The following GALNT7 variants were observed in gnomAD, a reference collection of about 807,000 sequenced individuals.
GALNT7 encodes polypeptide N-acetylgalactosaminyltransferase 7.
A neutral mutation model predicts 82.1 loss-of-function variants in GALNT7; 60 were observed. That is an observed-to-expected ratio of 0.73 (90% confidence interval 0.59 to 0.91). The LOEUF (loss-of-function observed/expected upper bound fraction) is 0.91, where lower values mean the gene tolerates loss of function less well. Among genes scored for constraint, GALNT7 ranks in the 40% least tolerant of loss-of-function variants. The pLI is 0.00. For missense variants in GALNT7, 660 were observed against 804.2 expected (o/e 0.82, Z 2.17); for synonymous variants, 243 against 275.1 (o/e 0.88, Z 1.15).
At chr4:173,250,975 A>G (rs1194014977) in intron 2 of GALNT7, among the ~76,000 whole-genome samples, 1 of 152,042 alleles carries the variant, frequency 6.6e-6, no homozygotes, top group Non-Finnish European at 1.5e-5. Flanking sequence ...TTTATTCTCT[A>G]TTACTTCTCT....
chr4:173,183,203 G>C (rs1415346669), intron 1 of GALNT7, among the ~76,000 whole-genome samples: 1 of 150,744 alleles, frequency 6.6e-6, no homozygotes, highest in Non-Finnish European at 1.5e-5. Context: ...TAAAATTAGA[G>C]ATAATGGAAC....
At chr4:173,274,390 G>A (rs932450217) in intron 2 of GALNT7, among the ~76,000 whole-genome samples, 1 of 152,090 alleles carries the variant, frequency 6.6e-6, no homozygotes, top group African/African-American at 2.4e-5. Context: ...TATTTCCTGG[G>A]TATTGGGTGA....
chr4:173,258,293 G>T (rs568014367), intron 2 of GALNT7, among the ~76,000 whole-genome samples: 1 of 152,316 alleles, frequency 6.6e-6, no homozygotes, highest in South Asian at 2.1e-4. Flanking sequence ...AGGCTGATGA[G>T]TGGAAGGGCT....
At chr4:173,257,761 T>G (rs1305193827) in intron 2 of GALNT7, among the ~76,000 whole-genome samples, 5 of 152,186 alleles carry the variant, frequency 3.3e-5, no homozygotes, top group Non-Finnish European at 5.9e-5. Flanking sequence ...TCGTGCATTC[T>G]CCAGAGTAGA....
chr4:173,216,727 A>ATATATT (rs71244915), intron 1 of GALNT7, among the ~76,000 whole-genome samples: 7 of 12,980 alleles, frequency 5.4e-4, no homozygotes, highest in South Asian at 5.3e-3. Flanking sequence ...ATATATATAT[A>ATATATT]TTTTTTTTTT....
chr4:173,212,071 C>G (rs1733299954), intron 1 of GALNT7, among the ~76,000 whole-genome samples: 1 of 152,154 alleles, frequency 6.6e-6, no homozygotes, highest in South Asian at 2.1e-4. Context: ...TCACATGGTG[C>G]TGACAAGGAC....
At chr4:173,203,239 G>A (rs531259313) in intron 1 of GALNT7, among the ~76,000 whole-genome samples, 3 of 152,006 alleles carry the variant, frequency 2.0e-5, no homozygotes, top group South Asian at 2.1e-4. Flanking sequence ...GACTACAGGC[G>A]CCCGCCACCA....
At chr4:173,228,380 T>G (rs1733907826) in intron 1 of GALNT7, among the ~76,000 whole-genome samples, 1 of 151,430 alleles carries the variant, frequency 6.6e-6, no homozygotes, top group African/African-American at 2.4e-5. Context: ...TATATTCTAC[T>G]TCTTCAAACT....
At chr4:173,233,143 G>A (rs1038834614) in intron 1 of GALNT7, among the ~76,000 whole-genome samples, 1 of 152,172 alleles carries the variant, frequency 6.6e-6, no homozygotes, top group South Asian at 2.1e-4. Context: ...TCCACTGATG[G>A]ACACTTAGGT....
At chr4:173,311,192 A>G (rs1737368268) in intron 8 of GALNT7, among the ~76,000 whole-genome samples, 1 of 152,212 alleles carries the variant, frequency 6.6e-6, no homozygotes, top group African/African-American at 2.4e-5. Context: ...ATGGGGCAAC[A>G]CAGTGCCACT....
intron 8 of GALNT7, among the ~76,000 whole-genome samples, chr4:173,305,781 T>G (rs1737135802): frequency 6.6e-6 from 1 of 152,226 alleles, no homozygotes; most frequent in Admixed American, 6.5e-5. Flanking sequence ...AGTACCATAC[T>G]GTTTTGATTA....
intron 2 of GALNT7, among the ~76,000 whole-genome samples, chr4:173,287,997 T>TA (rs1405316548): frequency 5.9e-5 from 9 of 152,078 alleles, no homozygotes; most frequent in Admixed American, 4.6e-4. Flanking sequence ...GAAAAGAACA[T>TA]ATGAGGCCGG....
chr4:173,295,824 G>C lies in GALNT7; in HGVS notation c.946G>C (p.Ala316Pro). Residue 316 changes from alanine to proline, a missense_variant, in exon 5 of 12, where the codon GCT becomes CCT. By Grantham distance (27) the Ala-to-Pro change is conservative (BLOSUM62 -1). This residue lies in a region of GALNT7 where 527 missense variants were observed against 683.5 expected (regional missense o/e 0.77). Transcript: ENST00000265000. ...VAVNWYAPLV[A>P]PISKDRTICT... is the part of the protein sequence containing the mutation. Reference sequence around the variant, plus strand: ...AGTTAACTGGTATGCACCACTTGTAGCTCCCATATCTAAGGACAGGTAACA... The same window carrying C: ...AGTTAACTGGTATGCACCACTTGTACCTCCCATATCTAAGGACAGGTAACA... 1 of 1,599,032 alleles carries C rather than the reference G, an allele frequency of 6.3e-7. No homozygotes were observed. The highest frequency in any genetic ancestry group is 1.1e-5 in the South Asian group (1 of 90,788).
intron 2 of GALNT7, among the ~76,000 whole-genome samples, chr4:173,268,711 T>G (rs952727618): frequency 2.0e-5 from 3 of 151,102 alleles, no homozygotes; most frequent in African/African-American, 7.3e-5. Flanking sequence ...TTTTTTTTTT[T>G]TGTATTTTTA....
chr4:173,188,371 A>T (rs1732520185), intron 1 of GALNT7, among the ~76,000 whole-genome samples: 1 of 152,202 alleles, frequency 6.6e-6, no homozygotes, highest in African/African-American at 2.4e-5. Flanking sequence ...ACCAAGGTGT[A>T]TTATCAGGCA....
intron 5 of GALNT7, chr4:173,297,682 T>C (rs955701952): frequency 4.7e-5 from 23 of 491,560 alleles, no homozygotes; most frequent in Non-Finnish European, 7.5e-5. Context: ...CCATTAGATA[T>C]TAAAGTCCCC....
intron 1 of GALNT7, among the ~76,000 whole-genome samples, chr4:173,247,110 T>C (rs1335922030): frequency 6.6e-6 from 1 of 151,952 alleles, no homozygotes; most frequent in Non-Finnish European, 1.5e-5. Flanking sequence ...TTTTTTAAAG[T>C]GATCAAGGTG....
intron 1 of GALNT7, among the ~76,000 whole-genome samples, chr4:173,179,879 G>C (rs1378621582): frequency 2.0e-5 from 3 of 152,190 alleles, no homozygotes; most frequent in African/African-American, 7.2e-5. Flanking sequence ...TTCTCTAGAA[G>C]TTCTTGTCAG....
chr4:173,281,432 C>T (rs1736104125), intron 2 of GALNT7, among the ~76,000 whole-genome samples: 1 of 152,166 alleles, frequency 6.6e-6, no homozygotes, highest in African/African-American at 2.4e-5. Flanking sequence ...TTAAGCCTTC[C>T]ATCCCATAGA....
Sources: allele counts gnomAD v4.1 joint callset (sites outside exome capture counted in the v4.1 genomes callset), GRCh38; gene constraint gnomAD v4.1.1; regional missense constraint gnomAD v4.1.1; transcripts MANE v1.5; gene names NCBI Gene and HGNC (gene_info 2026-07-23, HGNC 2026-07-21).